The following FRAS1 variants were observed in gnomAD, a reference collection of about 807,000 sequenced individuals.
FRAS1 encodes Fraser extracellular matrix complex subunit 1.
A neutral mutation model predicts 435.2 loss-of-function variants in FRAS1; 290 were observed. The observed-to-expected ratio is 0.67, with a 90% CI of 0.61 to 0.73. FRAS1 has a LOEUF of 0.73. Ranked by LOEUF, FRAS1 falls within the 30% of genes least tolerant of loss-of-function variation. The probability of loss-of-function intolerance (pLI) is 0.00; values close to 1 mark genes in which losing one functional copy is unlikely to be tolerated. For synonymous variants in FRAS1, 1,800 were observed against 1,851.0 expected, an observed-to-expected ratio of 0.97 and a Z score of 0.71; for missense variants, 4,860 against 5,001.5, an observed-to-expected ratio of 0.97 and a Z score of 0.85.
chr4:78,215,838 T>C (rs1420481642), intron 2 of FRAS1, among the ~76,000 whole-genome samples: 1 of 152,232 alleles, frequency 6.6e-6, no homozygotes, highest in Non-Finnish European at 1.5e-5. Context: ...TACATTTTGT[T>C]TATCCATTCA....
At chr4:78,255,426 G>A in intron 6 of FRAS1, 51 bp downstream of exon 6, 2 of 1,514,392 alleles carry the variant, frequency 1.3e-6, no homozygotes, top group Non-Finnish European at 1.8e-6. Flanking sequence ...TGAAGAACTT[G>A]GAGTCTCTTC....
Position 78,540,657 on chromosome 4 carries a change from C to T in FRAS1, c.11572C>T (p.Pro3858Ser), listed in dbSNP as rs373118002. The change falls in exon 74 of 74, where the codon CCC (proline) becomes TCC (serine). Residue 3858 changes from proline to serine, a missense_variant. By Grantham distance (74) the Pro-to-Ser change is moderately conservative. Coordinates refer to ENST00000512123, the MANE Select transcript of FRAS1 (RefSeq NM_025074.7). Reference protein sequence around the residue: ...LRRNRRDLVEPDGQLILDDSL... With the variant: ...LRRNRRDLVESDGQLILDDSL... ...ACGCAACCGAAGGGACCTGGTAGAG[C>T]CCGATGGCCAGCTGATCCTTGATGA... is the stretch of plus-strand genomic sequence containing the variant. 58 of 1,611,212 alleles carry T rather than the reference C, an allele frequency of 3.6e-5. No homozygotes were observed. The highest frequency in any genetic ancestry group is 6.8e-6 in the Non-Finnish European group (8 of 1,178,436).
At chr4:78,093,046 G>A (rs1259183379) in intron 2 of FRAS1, among the ~76,000 whole-genome samples, 1 of 152,290 alleles carries the variant, frequency 6.6e-6, no homozygotes, top group African/African-American at 2.4e-5. Context: ...TCACAGTAAG[G>A]TATGTGTGAT....
Position 78,124,982 on chromosome 4 carries a change from A to G in FRAS1, c.108+58966A>G, listed in dbSNP as rs1026608104. Among the ~76,000 whole-genome samples, 21 of 151,758 alleles carry G rather than the reference A, an allele frequency of 1.4e-4. 1 individual carries two copies. In the East Asian group the frequency reaches 3.9e-3, roughly 28 times the overall value. On this transcript the variant is annotated intron_variant, in intron 2 of 73. Transcript: ENST00000512123. ...TTTTTGAAGGGTTTTTTATGTCTCT[A>G]TCTCCTTCAGTTCTGCTCTGATCTT...
intron 53 of FRAS1, among the ~76,000 whole-genome samples, chr4:78,473,898 T>C (rs2109853219): frequency 6.6e-6 from 1 of 152,336 alleles, no homozygotes; most frequent in Middle Eastern, 3.4e-3. Context: ...TTGTCCACAG[T>C]CACATAGCTA....
At position 78,281,560 on chromosome 4, in the gene FRAS1, A is replaced by T. The variant is rs1353369329; in HGVS notation, c.1107+127A>T. On this transcript the variant is annotated intron_variant, in intron 11 of 73. Coordinates refer to ENST00000512123, the MANE Select transcript of FRAS1 (RefSeq NM_025074.7). Reference sequence around the variant, plus strand: ...AACAGCCACATTTGATGGCACTATGATCAGGAATTAAGAATCTTAATGATA... The same window carrying T: ...AACAGCCACATTTGATGGCACTATGTTCAGGAATTAAGAATCTTAATGATA... The T allele has an allele frequency of 5.4e-6, 3 of 557,346 alleles. No individual in the cohort carries two copies. In the East Asian group the frequency reaches 1.0e-4, roughly 19 times the overall value. The allele number at this position is 557,346 out of a possible 1,614,324, so 34.5% of individuals were successfully genotyped here.
chr4:78,057,950 G>A lies in FRAS1; in HGVS notation c.-60G>A. Reference sequence around the variant, plus strand: ...TCCAAGCGCCGGAGCCAGCGTTTTGGCGGAGCCGCTTCTTGGATGCTGAAG... The same window carrying A: ...TCCAAGCGCCGGAGCCAGCGTTTTGACGGAGCCGCTTCTTGGATGCTGAAG... On this transcript the variant is annotated 5_prime_UTR_variant, in exon 1 of 74. Transcript: ENST00000512123. This position sits in a 1 kb window ranked among gnomAD's most constrained non-coding sequence, Gnocchi z 4.2. The A allele has an allele frequency of 3.2e-6, 5 of 1,547,794 alleles. No homozygotes were observed. Among genetic ancestry groups the A allele is most frequent in the Non-Finnish European group, 4.5e-6 (5 of 1,122,936 alleles).
intron 46 of FRAS1, 82 bp downstream of exon 46, chr4:78,451,973 G>A: frequency 7.0e-7 from 1 of 1,421,448 alleles, no homozygotes; most frequent in Non-Finnish European, 9.5e-7. Context: ...TCACCTCGAG[G>A]CTCGAGTCCT....
In FRAS1 at chr4:78,511,358, C is replaced by T. The variant is rs867083207; in HGVS notation, c.9865C>T (p.Pro3289Ser). Residue 3289 changes from proline to serine, a missense_variant, in exon 64 of 74, where the codon CCC becomes TCC. Transcript: ENST00000512123. ...AVDKVGHVGT[P>S]LRSNIVTIGT... ...GGACAAGGTGGGCCATGTGGGGACC[C>T]CCTTAAGGAGCAACATTGTTACCAT... 6.2e-7 allele frequency: 1 copy of T among 1,613,900 alleles called. No individual in the cohort carries two copies. The highest frequency in any genetic ancestry group is 8.5e-7 in the Non-Finnish European group (1 of 1,179,854).
At chr4:78,093,319 T>A (rs1478751121) in intron 2 of FRAS1, among the ~76,000 whole-genome samples, 1 of 152,168 alleles carries the variant, frequency 6.6e-6, no homozygotes, top group Admixed American at 6.5e-5. Context: ...ATTCCAGTAA[T>A]GGAAAGGAGT....
At chr4:78,302,834 T>G (rs967043556) in intron 14 of FRAS1, among the ~76,000 whole-genome samples, 1 of 152,220 alleles carries the variant, frequency 6.6e-6, no homozygotes, top group African/African-American at 2.4e-5. Context: ...GGTAGTTTCT[T>G]TTGCTGTGCA....
intron 20 of FRAS1, among the ~76,000 whole-genome samples, chr4:78,362,663 C>T (rs1160001327): frequency 6.6e-6 from 1 of 152,108 alleles, no homozygotes; most frequent in Non-Finnish European, 1.5e-5. Context: ...GTCCCAAGCT[C>T]TTGTCCGGTG....
intron 27 of FRAS1, among the ~76,000 whole-genome samples, chr4:78,383,244 G>A (rs1732089507): frequency 6.6e-6 from 1 of 152,186 alleles, no homozygotes; most frequent in South Asian, 2.1e-4. Context: ...TGTAAGACTT[G>A]TTATAACATT....
chr4:78,516,102 G>C lies in FRAS1; in HGVS notation c.10389+89G>C, dbSNP rs913182785. 2.9e-6 allele frequency: 3 copies of C among 1,025,542 alleles called. No individual in the cohort carries two copies. In the Admixed American group the frequency reaches 8.3e-5, roughly 28 times the overall value. The allele number at this position is 1,025,542 out of a possible 1,614,324, so 63.5% of individuals were successfully genotyped here. ...CCTGAAGCACTTCAATTAGCACTTTGCCTCCAGAACTGGGACAACCAACTA... is the reference window on the plus strand; with the variant it reads ...CCTGAAGCACTTCAATTAGCACTTTCCCTCCAGAACTGGGACAACCAACTA... On this transcript the variant is annotated intron_variant, in intron 66 of 73. Coordinates refer to ENST00000512123, the MANE Select transcript of FRAS1 (RefSeq NM_025074.7).
intron 2 of FRAS1, among the ~76,000 whole-genome samples, chr4:78,146,897 CTATG>C (rs1293771741): frequency 6.6e-6 from 1 of 151,928 alleles, no homozygotes; most frequent in Non-Finnish European, 1.5e-5. Flanking sequence ...GTTTAGTTTT[CTATG>C]TGTTTTCATA....
intron 58 of FRAS1, among the ~76,000 whole-genome samples, chr4:78,482,827 AATAAATC>A (rs112994913): frequency 0.015 from 2,279 of 152,296 alleles, 55 homozygotes; most frequent in African/African-American, 0.05. Flanking sequence ...GAGAAATTGG[AATAAATC>A]ATGATAAATG....
At chr4:78,115,938 A>G (rs989578401) in intron 2 of FRAS1, among the ~76,000 whole-genome samples, 5 of 151,956 alleles carry the variant, frequency 3.3e-5, no homozygotes, top group African/African-American at 1.2e-4. Flanking sequence ...TCAATTTTAG[A>G]TCTTTCCTGC....
intron 2 of FRAS1, among the ~76,000 whole-genome samples, chr4:78,196,342 A>G (rs764018807): frequency 2.0e-4 from 31 of 152,104 alleles, no homozygotes; most frequent in Non-Finnish European, 3.8e-4. Context: ...TATCTTATTG[A>G]TTGTAGTATC....
intron 41 of FRAS1, among the ~76,000 whole-genome samples, chr4:78,441,577 A>G (rs533053097): frequency 2.4e-4 from 36 of 152,288 alleles, no homozygotes; most frequent in Admixed American, 2.4e-3. Flanking sequence ...TGAGAGACAA[A>G]TTAAAAACCT....
Sources: allele counts gnomAD v4.1 joint callset (sites outside exome capture counted in the v4.1 genomes callset), GRCh38; gene constraint gnomAD v4.1.1; non-coding constraint Gnocchi (gnomAD v3.1); transcripts MANE v1.5; gene names NCBI Gene and HGNC (gene_info 2026-07-23, HGNC 2026-07-21).